The following FRMPD4 variants were observed in gnomAD, a reference collection of about 807,000 sequenced individuals.
FRMPD4 encodes FERM and PDZ domain containing 4.
A neutral mutation model predicts 94.1 loss-of-function variants in FRMPD4; 22 were observed. The observed-to-expected ratio is 0.23, with a 90% CI of 0.17 to 0.33. The LOEUF is 0.33. Among genes scored for constraint, FRMPD4 ranks in the 10% least tolerant of loss-of-function variants. FRMPD4 has a pLI of 1.00. For missense variants in FRMPD4, 1,111 were observed against 1,339.9 expected, an observed-to-expected ratio of 0.83 and a Z score of 2.67; for synonymous variants, 631 against 548.6, an observed-to-expected ratio of 1.15 and a Z score of -2.10.
At chrX:12,329,463 C>A (rs2055337470) in intron 1 of FRMPD4, among the ~76,000 whole-genome samples, 1 of 111,266 alleles carries the variant, frequency 9.0e-6, no homozygotes, top group South Asian at 3.9e-4. Flanking sequence ...AAGAGAGCAG[C>A]AGCAGGTCAG....
At chrX:11,828,168 C>T (rs2053455204) in intron 1 of FRMPD4, among the ~76,000 whole-genome samples, 1 of 112,005 alleles carries the variant, frequency 8.9e-6, no homozygotes, top group African/African-American at 3.2e-5. Context: ...CTAAAATGTT[C>T]CTAGTTGTAA....
At chrX:12,694,957 A>C (rs112310708) in intron 9 of FRMPD4, among the ~76,000 whole-genome samples, 6,715 of 112,137 alleles carry the variant, frequency 0.06, 171 homozygotes, top group Middle Eastern at 0.12. Context: ...TATCCATATT[A>C]TGCCTATTAT....
At chrX:12,472,981 C>T (rs1471161679) in intron 1 of FRMPD4, among the ~76,000 whole-genome samples, 2 of 108,137 alleles carry the variant, frequency 1.8e-5, no homozygotes, top group Non-Finnish European at 3.8e-5. Flanking sequence ...AGATACTCCT[C>T]GAGAAGAGCA....
At chrX:11,976,157 G>A (rs1453020472) in intron 3 of FRMPD4, among the ~76,000 whole-genome samples, 1 of 111,409 alleles carries the variant, frequency 9.0e-6, no homozygotes, top group Admixed American at 9.6e-5. Flanking sequence ...CGTTAATCCT[G>A]GATTTCCCTG....
At chrX:12,342,234 C>T (rs1371729818) in intron 1 of FRMPD4, among the ~76,000 whole-genome samples, 1 of 111,972 alleles carries the variant, frequency 8.9e-6, no homozygotes, top group African/African-American at 3.2e-5. Context: ...AAGAGGAAGG[C>T]ATATCTGAAA....
chrX:12,517,297 T>G (rs776699563), intron 2 of FRMPD4, among the ~76,000 whole-genome samples: 9 of 101,801 alleles, frequency 8.8e-5, no homozygotes, highest in Non-Finnish European at 1.4e-4. Flanking sequence ...CTTTTTGAGC[T>G]TTCAGTCTTT....
At chrX:12,592,760 T>C (rs1238572292) in intron 2 of FRMPD4, among the ~76,000 whole-genome samples, 1 of 112,309 alleles carries the variant, frequency 8.9e-6, no homozygotes, top group African/African-American at 3.2e-5. Context: ...ATTTTTAAAC[T>C]CACTGGAGGG....
At chrX:12,434,750 A>G (rs962256049) in intron 1 of FRMPD4, among the ~76,000 whole-genome samples, 2 of 112,749 alleles carry the variant, frequency 1.8e-5, no homozygotes, top group Non-Finnish European at 3.7e-5. Flanking sequence ...AGCCAAAAGC[A>G]CAGGGCAGCT....
At chrX:12,534,014 G>A (rs1336329545) in intron 2 of FRMPD4, among the ~76,000 whole-genome samples, 1 of 112,653 alleles carries the variant, frequency 8.9e-6, no homozygotes, top group Non-Finnish European at 1.9e-5. Context: ...CCCATCACAG[G>A]CCTGGAGGCC....
intron 1 of FRMPD4, among the ~76,000 whole-genome samples, chrX:12,479,739 A>T (rs1368447425): frequency 9.2e-6 from 1 of 109,270 alleles, no homozygotes; most frequent in Non-Finnish European, 1.9e-5. Context: ...GGCTCAAGTG[A>T]TCCTCCCACC....
chrX:12,678,791 C>T (rs750563975), intron 5 of FRMPD4, among the ~76,000 whole-genome samples: 1 of 112,338 alleles, frequency 8.9e-6, no homozygotes, highest in Non-Finnish European at 1.9e-5. Flanking sequence ...CACCATTGCA[C>T]TCCACCCTGG....
intron 2 of FRMPD4, among the ~76,000 whole-genome samples, chrX:12,545,630 T>C (rs1304933918): frequency 8.9e-6 from 1 of 112,876 alleles, no homozygotes; most frequent in Non-Finnish European, 1.9e-5. Flanking sequence ...GGGGATGGGC[T>C]GTGTGTGCTA....
Position 12,283,742 on chromosome X carries a change from A to G in FRMPD4, c.41+144730A>G, listed in dbSNP as rs761282340. Among the ~76,000 whole-genome samples the G allele has an allele frequency of 4.5e-5, 5 of 111,397 alleles. No homozygotes were observed. In the East Asian group the frequency reaches 1.1e-3, roughly 25 times the overall value. On this transcript the variant is annotated intron_variant, in intron 1 of 16. Coordinates refer to ENST00000675598, the MANE Select transcript of FRMPD4 (RefSeq NM_001368397.1). ...CCAGGCCCAAAGGCACACATAGAGCATTTGTGTGTTTTTACACTTTTGTGC... is the reference window on the plus strand; with the variant it reads ...CCAGGCCCAAAGGCACACATAGAGCGTTTGTGTGTTTTTACACTTTTGTGC...
chrX:11,953,309 T>G (rs995117037), intron 3 of FRMPD4, among the ~76,000 whole-genome samples: 1 of 111,714 alleles, frequency 9.0e-6, no homozygotes, highest in Non-Finnish European at 1.9e-5. Flanking sequence ...AAGGGAAACT[T>G]TTTTTTAACC....
At chrX:12,220,702 C>T (rs188295219) in intron 1 of FRMPD4, among the ~76,000 whole-genome samples, 216 of 112,029 alleles carry the variant, frequency 1.9e-3, no homozygotes, top group African/African-American at 6.5e-3. Context: ...TTACAAGTTA[C>T]TAAATTATAA....
chrX:12,331,521 C>A (rs1428289044), intron 1 of FRMPD4, among the ~76,000 whole-genome samples: 2 of 95,382 alleles, frequency 2.1e-5, no homozygotes, highest in East Asian at 6.3e-4. Flanking sequence ...TATAGAAGCC[C>A]CGTGAAGTGC....
chrX:11,914,578 T>C (rs2054014525), intron 3 of FRMPD4, among the ~76,000 whole-genome samples: 1 of 112,168 alleles, frequency 8.9e-6, no homozygotes, highest in African/African-American at 3.2e-5. Context: ...ACTGGTGTCC[T>C]GTTGTATGCG....
chrX:11,906,115 T>TTTTATTTATTTATTTA (rs59185589), intron 3 of FRMPD4, among the ~76,000 whole-genome samples: 100 of 88,245 alleles, frequency 1.1e-3, no homozygotes, highest in South Asian at 3.8e-3. Context: ...TTTCCCTTCA[T>TTTTATTTATTTATTTA]TTTATTTATT....
intron 1 of FRMPD4, among the ~76,000 whole-genome samples, chrX:11,857,175 A>G (rs908134479): frequency 8.9e-6 from 1 of 111,907 alleles, no homozygotes; most frequent in Non-Finnish European, 1.9e-5. Context: ...TTAAACTACC[A>G]TTAACATTCT....
Sources: allele counts gnomAD v4.1 joint callset (sites outside exome capture counted in the v4.1 genomes callset), GRCh38; gene constraint gnomAD v4.1.1; transcripts MANE v1.5; gene names NCBI Gene and HGNC (gene_info 2026-07-23, HGNC 2026-07-21).